RNMT: variants seen among roughly 807,000 people sequenced by gnomAD.
RNMT encodes RNA guanine-7 methyltransferase.
RNMT carries 27 observed loss-of-function variants against 56.0 expected under a neutral mutation model. The ratio of observed to expected loss-of-function variants is 0.48; its 90% CI spans 0.36 to 0.67. RNMT has a LOEUF of 0.67. Ranked by LOEUF, RNMT falls within the 30% of genes least tolerant of loss-of-function variation. The probability of loss-of-function intolerance (pLI) is 0.00; values close to 1 mark genes in which losing one functional copy is unlikely to be tolerated. For missense variants in RNMT, 519 were observed against 552.1 expected (o/e 0.94, Z 0.60); for synonymous variants, 184 against 176.2 (o/e 1.04, Z -0.35).
chr18:13,763,015 C>A lies in RNMT; in HGVS notation c.*3036C>A. On this transcript the variant is annotated 3_prime_UTR_variant, in exon 12 of 12. Transcript: ENST00000383314. ...ATTTGGGTTATCTCAAGCCAGTCAC[C>A]ACAGAGGGTCTCTAGGGTCTGCAAA... 4.4e-6 allele frequency: 2 copies of A among 454,252 alleles called. No individual in the cohort carries two copies. The highest frequency in any genetic ancestry group is 3.1e-5 in the South Asian group (2 of 64,356). The allele number at this position is 454,252 out of a possible 1,614,324, so 28.1% of individuals were successfully genotyped here.
At position 13,759,950 on chromosome 18, in the gene RNMT, T is replaced by A. The variant is rs1423871385; in HGVS notation, c.1402T>A (p.Leu468Met). The A allele has an allele frequency of 6.2e-7, 1 of 1,612,214 alleles. No homozygotes were observed. Among genetic ancestry groups the A allele is most frequent in the Admixed American group, 1.7e-5 (1 of 59,968 alleles). Residue 468 changes from leucine (L) to methionine (M), a missense_variant, in exon 12 of 12, where the codon TTG becomes ATG. Leu to Met is a conservative substitution (Grantham distance 15, BLOSUM62 2). Transcript: ENST00000383314. ...ATTTATTTCTTCTTTAGGTATTTACTTGGTGTTTGCCTTTGAGAAACAGCA... is the reference window on the plus strand; with the variant it reads ...ATTTATTTCTTCTTTAGGTATTTACATGGTGTTTGCCTTTGAGAAACAGCA... ...KSEWEATSIY[L>M]VFAFEKQQ
chr18:13,753,433 C>G (rs1261492783), intron 10 of RNMT, among the ~76,000 whole-genome samples: 2 of 150,526 alleles, frequency 1.3e-5, no homozygotes, highest in Non-Finnish European at 3.0e-5. Flanking sequence ...GCACTGCACT[C>G]CAGCCTGGGC....
chr18:13,739,627 T>C (rs2044219814), intron 5 of RNMT, among the ~76,000 whole-genome samples: 1 of 151,896 alleles, frequency 6.6e-6, no homozygotes, highest in African/African-American at 2.4e-5. Flanking sequence ...CTACCAAAAA[T>C]ACAAAAAATT....
intron 8 of RNMT, among the ~76,000 whole-genome samples, chr18:13,745,348 T>G (rs1010644707): frequency 6.6e-5 from 10 of 152,198 alleles, no homozygotes; most frequent in Non-Finnish European, 1.2e-4. Context: ...GTTTATGGAC[T>G]GGTGCCACTG....
chr18:13,740,143 A>C (rs150459655), intron 5 of RNMT, 24 bp from the exon 6 acceptor site: 394 of 1,377,910 alleles, frequency 2.9e-4, no homozygotes, highest in Middle Eastern at 1.2e-3. Context: ...GTTGATACTT[A>C]CTAATACCCT....
At chr18:13,730,589 T>G (rs1346597241) in intron 1 of RNMT, 38 bp from the exon 2 acceptor site, 3 of 152,252 alleles carry the variant, frequency 2.0e-5, no homozygotes, top group Non-Finnish European at 4.4e-5. Flanking sequence ...GTAATGTTTC[T>G]GTTTTATTCT....
At chr18:13,736,136 T>C (rs955106507) in intron 4 of RNMT, among the ~76,000 whole-genome samples, 2 of 152,242 alleles carry the variant, frequency 1.3e-5, no homozygotes, top group Non-Finnish European at 2.9e-5. Context: ...TTAAGATTCA[T>C]GGCAGAAAGT....
At position 13,742,639 on chromosome 18, in the gene RNMT, C is replaced by G. The variant is rs1183273934; in HGVS notation, c.1126C>G (p.Pro376Ala). The G allele has an allele frequency of 6.2e-7, 1 of 1,612,252 alleles. No individual in the cohort carries two copies. Among genetic ancestry groups the G allele is most frequent in the South Asian group, 1.1e-5 (1 of 90,714 alleles). The change falls in exon 8 of 12, where the codon CCA (proline) becomes GCA (alanine). Residue 376 changes from proline to alanine, a missense_variant. Coordinates refer to ENST00000383314, the MANE Select transcript of RNMT (RefSeq NM_003799.3). ...TGTTCCTGAATTCTTGGTCTATTTT[C>G]CATTGCTAAATGAGTAAGAAGTCAT... ...VDVPEFLVYF[P>A]LLNEMAKKYN...
Position 13,740,173 on chromosome 18 carries a change from C to G in RNMT, c.686C>G (p.Ala229Gly). ...RINKLVCTDI[A>G]DVSVKQCQQR... Reference sequence around the variant, plus strand: ...TACCCTTCCATCCTTCCAGATATTGCCGATGTTTCTGTCAAACAGTGTCAG... The same window carrying G: ...TACCCTTCCATCCTTCCAGATATTGGCGATGTTTCTGTCAAACAGTGTCAG... Residue 229 changes from alanine (A) to glycine (G), a missense_variant, in exon 6 of 12, where the codon GCC becomes GGC. Coordinates refer to ENST00000383314, the MANE Select transcript of RNMT (RefSeq NM_003799.3). 5 of 1,601,884 alleles carry G rather than the reference C, an allele frequency of 3.1e-6. No homozygotes were observed. Among genetic ancestry groups the G allele is most frequent in the Non-Finnish European group, 4.3e-6 (5 of 1,169,316 alleles).
intron 1 of RNMT, among the ~76,000 whole-genome samples, chr18:13,728,965 T>G (rs1162921507): frequency 1.3e-5 from 2 of 152,130 alleles, no homozygotes; most frequent in Admixed American, 1.3e-4. Context: ...TGTGCAGAAG[T>G]TTTTTAGCTT....
intron 5 of RNMT, among the ~76,000 whole-genome samples, 171 bp from the exon 6 acceptor site, chr18:13,739,996 C>G (rs894482893): frequency 1.3e-5 from 2 of 152,144 alleles, no homozygotes; most frequent in African/African-American, 4.8e-5. Context: ...CTCTTGAAAA[C>G]TGATAGGGTA....
chr18:13,746,171 A>T, intron 8 of RNMT, 49 bp from the exon 9 acceptor site: 1 of 937,274 alleles, frequency 1.1e-6, no homozygotes, highest in Non-Finnish European at 1.7e-6. Context: ...TAAGTTGAGG[A>T]ATTACAAACA....
chr18:13,737,863 T>C (rs935039587), intron 5 of RNMT, among the ~76,000 whole-genome samples: 1 of 152,040 alleles, frequency 6.6e-6, no homozygotes, highest in Non-Finnish European at 1.5e-5. Context: ...CAGTTCCTTT[T>C]TTTTTTCAAT....
At chr18:13,727,289 G>T (rs1475813166) in intron 1 of RNMT, among the ~76,000 whole-genome samples, 2 of 152,226 alleles carry the variant, frequency 1.3e-5, no homozygotes, top group African/African-American at 4.8e-5. Flanking sequence ...GCTTGCTTCG[G>T]AGGTGTGACT....
chr18:13,756,951 T>C (rs1192086188), intron 11 of RNMT, among the ~76,000 whole-genome samples: 1 of 152,200 alleles, frequency 6.6e-6, no homozygotes, highest in Non-Finnish European at 1.5e-5. Flanking sequence ...CTAAAATCTA[T>C]TGGTATTTTA....
At chr18:13,750,243 G>C (rs2044418686) in intron 9 of RNMT, among the ~76,000 whole-genome samples, 1 of 152,132 alleles carries the variant, frequency 6.6e-6, no homozygotes, top group Non-Finnish European at 1.5e-5. Flanking sequence ...GTATTTTGGA[G>C]GCTGGATTAT....
chr18:13,748,483 A>G (rs2044387233), intron 9 of RNMT, among the ~76,000 whole-genome samples: 1 of 152,184 alleles, frequency 6.6e-6, no homozygotes, highest in Admixed American at 6.5e-5. Flanking sequence ...CAGAGGTGGA[A>G]AGAGCAGTCG....
intron 7 of RNMT, 67 bp downstream of exon 7, chr18:13,741,758 G>A: frequency 2.0e-6 from 2 of 1,006,974 alleles, no homozygotes; most frequent in Non-Finnish European, 2.8e-6. Flanking sequence ...GTTTATCAGA[G>A]GTAGATTTTA....
At chr18:13,727,557 C>G (rs189184102) in intron 1 of RNMT, among the ~76,000 whole-genome samples, 1 of 152,268 alleles carries the variant, frequency 6.6e-6, no homozygotes, top group African/African-American at 2.4e-5. Flanking sequence ...TAAATCAGGG[C>G]AATTGGGATA....
Sources: allele counts gnomAD v4.1 joint callset (sites outside exome capture counted in the v4.1 genomes callset), GRCh38; gene constraint gnomAD v4.1.1; transcripts MANE v1.5; gene names NCBI Gene and HGNC (gene_info 2026-07-23, HGNC 2026-07-21).